TFCP2: variants seen among roughly 807,000 people sequenced by gnomAD.
TFCP2 encodes transcription factor CP2.
TFCP2 carries 33 observed loss-of-function variants against 73.4 expected under a neutral mutation model. The ratio of observed to expected loss-of-function variants is 0.45; its 90% CI spans 0.34 to 0.60. TFCP2 has a LOEUF of 0.60. Ranked by LOEUF, TFCP2 falls within the 20% of genes least tolerant of loss-of-function variation. TFCP2 has a pLI of 0.01. For missense variants in TFCP2, 352 were observed against 604.0 expected (o/e 0.58, Z 4.37); for synonymous variants, 193 against 211.6 (o/e 0.91, Z 0.76).
chr12:51,161,032 G>A (rs1565579621), intron 1 of TFCP2, among the ~76,000 whole-genome samples: 1 of 152,074 alleles, frequency 6.6e-6, no homozygotes, highest in East Asian at 1.9e-4. Flanking sequence ...CCTACCTAGT[G>A]GCACTAGACA....
At chr12:51,121,429 A>C (rs1419264920) in intron 1 of TFCP2, among the ~76,000 whole-genome samples, 1 of 150,872 alleles carries the variant, frequency 6.6e-6, no homozygotes, top group Non-Finnish European at 1.5e-5. Context: ...AAAAGAAAAA[A>C]AAATATTCCC....
intron 13 of TFCP2, 70 bp from the exon 14 acceptor site, chr12:51,096,110 G>A (rs1029914445): frequency 8.0e-7 from 1 of 1,253,932 alleles, no homozygotes; most frequent in East Asian, 2.3e-5. Flanking sequence ...GTGTCCCTAA[G>A]GACTACCCCA....
intron 1 of TFCP2, among the ~76,000 whole-genome samples, chr12:51,119,618 C>T (rs575108975): frequency 1.3e-5 from 2 of 151,908 alleles, no homozygotes; most frequent in South Asian, 2.1e-4. Flanking sequence ...GGAGTGGTGG[C>T]GCATGCCTGT....
intron 1 of TFCP2, among the ~76,000 whole-genome samples, chr12:51,170,623 AAT>A (rs1379040397): frequency 6.6e-6 from 1 of 151,618 alleles, no homozygotes; most frequent in Non-Finnish European, 1.5e-5. Context: ...TATTTAGAAT[AAT>A]AGTCTTTATT....
intron 1 of TFCP2, among the ~76,000 whole-genome samples, chr12:51,152,328 G>A (rs1328261457): frequency 2.0e-5 from 3 of 151,432 alleles, no homozygotes; most frequent in Non-Finnish European, 2.9e-5. Context: ...TTATCAAATT[G>A]TCAGTGTCAT....
At chr12:51,148,284 G>GTATC (rs1555254925) in intron 1 of TFCP2, among the ~76,000 whole-genome samples, 1 of 152,172 alleles carries the variant, frequency 6.6e-6, no homozygotes, top group Non-Finnish European at 1.5e-5. Context: ...CCACTGCTGG[G>GTATC]TATCTACCCA....
chr12:51,097,220 G>A (rs2136956826), intron 13 of TFCP2, among the ~76,000 whole-genome samples: 1 of 152,204 alleles, frequency 6.6e-6, no homozygotes, highest in African/African-American at 2.4e-5. Context: ...AAAGTGCTGG[G>A]ATTACAGGTG....
intron 1 of TFCP2, among the ~76,000 whole-genome samples, chr12:51,122,662 T>G (rs1940713302): frequency 6.6e-6 from 1 of 152,194 alleles, no homozygotes; most frequent in Admixed American, 6.5e-5. Context: ...GAGTGGAGAA[T>G]GTTGAGGGAA....
Position 51,172,727 on chromosome 12 carries a change from CACTCCTCTTG to C in TFCP2, c.-315_-306del, listed in dbSNP as rs1451255057. On this transcript the variant is annotated 5_prime_UTR_variant, in exon 1 of 15. Transcript: ENST00000257915. Reference sequence around the variant, plus strand: ...AGGCAGCTCTGGACTCCCGCACTCCCACTCCTCTTGAGAGTTCGTAGTGGTGGCTTGCTGC... The same window carrying C: ...AGGCAGCTCTGGACTCCCGCACTCCCAGAGTTCGTAGTGGTGGCTTGCTGC... The C allele has an allele frequency of 1.4e-5, 4 of 289,082 alleles. No individual in the cohort carries two copies. The highest frequency in any genetic ancestry group is 3.9e-5 in the South Asian group (1 of 25,852). 17.9% of individuals were successfully genotyped at this position (289,082 alleles called of 1,614,324 possible). A position where few individuals can be genotyped will look rare whatever the true frequency, so the allele number is the denominator to read the frequency against.
chr12:51,122,405 C>T (rs1385509051), intron 1 of TFCP2, among the ~76,000 whole-genome samples: 4 of 151,426 alleles, frequency 2.6e-5, no homozygotes, highest in African/African-American at 9.7e-5. Context: ...ATTACAGGCA[C>T]CTGCTACCAC....
intron 1 of TFCP2, among the ~76,000 whole-genome samples, chr12:51,133,510 TG>T (rs2137005764): frequency 6.6e-6 from 1 of 152,306 alleles, no homozygotes; most frequent in Admixed American, 6.5e-5. Flanking sequence ...CTTGCGATGC[TG>T]CCCAGACTGA....
In TFCP2 at chr12:51,173,066, G is replaced by A. The variant is rs1941895708; in HGVS notation, c.-644C>T. The A allele has an allele frequency of 6.6e-6, 1 of 152,480 alleles. No homozygotes were observed. The highest frequency in any genetic ancestry group is 1.5e-5 in the Non-Finnish European group (1 of 68,242). 9.4% of individuals were successfully genotyped at this position (152,480 alleles called of 1,614,324 possible). On this transcript the variant is annotated 5_prime_UTR_variant, in exon 1 of 15. Coordinates refer to ENST00000257915, the MANE Select transcript of TFCP2 (RefSeq NM_005653.5). ...CAGGCGTAAAACCTAGACTCGCCAGGCCCTTCCACCGTCCGCCGCCCCAGC... is the reference window on the plus strand; with the variant it reads ...CAGGCGTAAAACCTAGACTCGCCAGACCCTTCCACCGTCCGCCGCCCCAGC...
At chr12:51,113,812 CTT>C (rs1287889748) in intron 4 of TFCP2, among the ~76,000 whole-genome samples, 1 of 152,138 alleles carries the variant, frequency 6.6e-6, no homozygotes, top group Non-Finnish European at 1.5e-5. Context: ...AAAGAACAGT[CTT>C]TTCAACAAAC....
At chr12:51,128,773 A>G (rs1940873049) in intron 1 of TFCP2, among the ~76,000 whole-genome samples, 1 of 152,224 alleles carries the variant, frequency 6.6e-6, no homozygotes, top group Non-Finnish European at 1.5e-5. Flanking sequence ...AGGGGCCCAG[A>G]GCAACCTGTC....
At chr12:51,118,079 G>C (rs1225014914) in intron 2 of TFCP2, among the ~76,000 whole-genome samples, 1 of 152,156 alleles carries the variant, frequency 6.6e-6, no homozygotes, top group African/African-American at 2.4e-5. Flanking sequence ...GTAACCAATG[G>C]GAGTGTCTAG....
intron 1 of TFCP2, among the ~76,000 whole-genome samples, chr12:51,140,519 C>T (rs775048848): frequency 1.1e-4 from 14 of 126,284 alleles, no homozygotes; most frequent in Admixed American, 2.0e-4. Context: ...ATCCTGGGCT[C>T]AAGTGATCCT....
intron 13 of TFCP2, 58 bp downstream of exon 13, chr12:51,098,718 C>T: frequency 6.3e-7 from 1 of 1,592,266 alleles, no homozygotes; most frequent in Non-Finnish European, 8.6e-7. Flanking sequence ...ACTGCTCTTG[C>T]TCCATGCGCT....
chr12:51,142,203 CAA>C (rs3053458), intron 1 of TFCP2, among the ~76,000 whole-genome samples: 108 of 52,718 alleles, frequency 2.0e-3, no homozygotes, highest in South Asian at 0.01. Context: ...GACTCTGTCG[CAA>C]AAAAAAAAAA....
rs555651816 is a variant in TFCP2 at position 51,121,894 on chromosome 12, A to G, written c.123-3122T>C. Among the ~76,000 whole-genome samples the G allele has an allele frequency of 5.3e-5, 8 of 152,346 alleles. No individual in the cohort carries two copies. The South Asian group carries it at 1.7e-3, about 32-fold the overall frequency. ...TTAACCATTCACAGATGAAAAAGCA[A>G]TTCTTTATATGTACCTATATATCTC... is the stretch of plus-strand genomic sequence containing the variant. On this transcript the variant is annotated intron_variant, in intron 1 of 14. Transcript: ENST00000257915.
Sources: gnomAD v4.1 joint callset for allele counts (sites outside exome capture counted in the v4.1 genomes callset) on GRCh38, gnomAD v4.1.1 for gene constraint, MANE v1.5 for transcripts, NCBI Gene and HGNC (gene_info 2026-07-23, HGNC 2026-07-21) for gene names.